The following UBE2E2 variants were observed in gnomAD, a reference collection of about 807,000 sequenced individuals.
The protein encoded by UBE2E2 is ubiquitin-conjugating enzyme E2 E2.
A neutral mutation model predicts 24.7 loss-of-function variants in UBE2E2; 6 were observed. That is an observed-to-expected ratio of 0.24 (90% CI 0.13 to 0.48). The LOEUF (loss-of-function observed/expected upper bound fraction) is 0.48. Among genes scored for constraint, UBE2E2 ranks in the 20% least tolerant of loss-of-function variants. The pLI, the probability that UBE2E2 is intolerant of heterozygous loss-of-function variation, is 0.99. For missense variants in UBE2E2, 169 were observed against 245.0 expected (o/e 0.69, Z 2.07); for synonymous variants, 104 against 83.6 (o/e 1.24, Z -1.33).
At chr3:23,564,170 T>C (rs1696006476) in intron 5 of UBE2E2, among the ~76,000 whole-genome samples, 1 of 152,122 alleles carries the variant, frequency 6.6e-6, no homozygotes, top group African/African-American at 2.4e-5. Flanking sequence ...ATGATGTAAA[T>C]GTGAGTGCAT....
At chr3:23,535,726 G>A (rs1033793718) in intron 5 of UBE2E2, among the ~76,000 whole-genome samples, 10 of 147,892 alleles carry the variant, frequency 6.8e-5, no homozygotes, top group Non-Finnish European at 7.4e-5. Context: ...GGGTTCAAGC[G>A]ATTCTCCTGC....
At chr3:23,501,222 G>A (rs1699713474) in intron 4 of UBE2E2, among the ~76,000 whole-genome samples, 1 of 152,188 alleles carries the variant, frequency 6.6e-6, no homozygotes, top group South Asian at 2.1e-4. Context: ...TAAATCTGAT[G>A]TGATCTGTTC....
intron 3 of UBE2E2, among the ~76,000 whole-genome samples, chr3:23,437,075 CT>C (rs894780074): frequency 5.3e-5 from 8 of 152,244 alleles, no homozygotes; most frequent in African/African-American, 1.9e-4. Flanking sequence ...GAGCTGGCCC[CT>C]GCCTGCTTCT....
chr3:23,348,095 G>A (rs6765758), intron 3 of UBE2E2, among the ~76,000 whole-genome samples: 125,066 of 152,094 alleles, frequency 0.82, 51,435 homozygotes, highest in Admixed American at 0.85. Flanking sequence ...ATCAATCATC[G>A]CAAGACGACA....
chr3:23,530,856 C>T (rs1394427936), intron 4 of UBE2E2, among the ~76,000 whole-genome samples: 1 of 152,156 alleles, frequency 6.6e-6, no homozygotes, highest in Admixed American at 6.6e-5. Flanking sequence ...CCATCTTTTA[C>T]TCCCTTCCCT....
intron 3 of UBE2E2, among the ~76,000 whole-genome samples, chr3:23,419,745 A>T (rs914809349): frequency 6.6e-6 from 1 of 152,264 alleles, no homozygotes. Context: ...GATATTAGGC[A>T]CTGAATAAAT....
intron 3 of UBE2E2, among the ~76,000 whole-genome samples, chr3:23,286,469 A>G (rs991273037): frequency 3.9e-5 from 6 of 151,900 alleles, no homozygotes; most frequent in Non-Finnish European, 8.8e-5. Context: ...TAGATGTACA[A>G]TTTGTTTCTG....
intron 5 of UBE2E2, among the ~76,000 whole-genome samples, chr3:23,565,082 C>T (rs1255122846): frequency 6.6e-6 from 1 of 152,184 alleles, no homozygotes; most frequent in Non-Finnish European, 1.5e-5. Flanking sequence ...TATACACACA[C>T]ACACAGACAC....
At chr3:23,545,213 C>T (rs6801946) in intron 5 of UBE2E2, among the ~76,000 whole-genome samples, 45,401 of 151,834 alleles carry the variant, frequency 0.3, 7,336 homozygotes, top group East Asian at 0.49. Flanking sequence ...AGACCCTTTA[C>T]GGGTGTCGGG....
chr3:23,242,393 GC>G (rs375069124), intron 3 of UBE2E2, among the ~76,000 whole-genome samples: 1 of 102,828 alleles, frequency 9.7e-6, no homozygotes, highest in Non-Finnish European at 1.8e-5. Context: ...CCCGCCCCCC[GC>G]CCCCCCAGTA....
intron 3 of UBE2E2, among the ~76,000 whole-genome samples, chr3:23,348,347 CAAAAAAAAAA>C (rs35038477): frequency 2.5e-5 from 3 of 121,954 alleles, no homozygotes; most frequent in African/African-American, 9.8e-5. Flanking sequence ...GTGCTGCTTT[CAAAAAAAAAA>C]AAAAAAAGAA....
intron 3 of UBE2E2, among the ~76,000 whole-genome samples, chr3:23,498,114 A>G (rs998973311): frequency 3.3e-5 from 5 of 152,006 alleles, no homozygotes; most frequent in South Asian, 2.1e-4. Flanking sequence ...GTCTTTTTTA[A>G]TAGAGTCTTT....
chr3:23,423,175 C>A (rs1559379394), intron 3 of UBE2E2, among the ~76,000 whole-genome samples: 1 of 152,170 alleles, frequency 6.6e-6, no homozygotes, highest in Non-Finnish European at 1.5e-5. Flanking sequence ...CTTTTAGAGT[C>A]TCTGAAGCTA....
intron 3 of UBE2E2, among the ~76,000 whole-genome samples, chr3:23,287,322 C>T (rs374683658): frequency 8.6e-5 from 13 of 151,890 alleles, no homozygotes; most frequent in South Asian, 2.1e-4. Flanking sequence ...GAATTTGGTT[C>T]GCTAGTATTT....
At chr3:23,328,600 C>G (rs917723584) in intron 3 of UBE2E2, among the ~76,000 whole-genome samples, 1 of 151,298 alleles carries the variant, frequency 6.6e-6, no homozygotes, top group Non-Finnish European at 1.5e-5. Flanking sequence ...GGATGTAACA[C>G]CATTGTAAGT....
intron 3 of UBE2E2, among the ~76,000 whole-genome samples, chr3:23,425,818 C>T (rs1018834766): frequency 6.6e-6 from 1 of 151,934 alleles, no homozygotes; most frequent in Admixed American, 6.5e-5. Context: ...GTTCCTTTTA[C>T]CCAATTCACC....
At chr3:23,449,059 G>A (rs1489123630) in intron 3 of UBE2E2, among the ~76,000 whole-genome samples, 1 of 152,116 alleles carries the variant, frequency 6.6e-6, no homozygotes, top group South Asian at 2.1e-4. Context: ...GTATACTATG[G>A]CATGCCATTG....
At chr3:23,277,916 C>T (rs1698406035) in intron 3 of UBE2E2, among the ~76,000 whole-genome samples, 1 of 152,096 alleles carries the variant, frequency 6.6e-6, no homozygotes, top group South Asian at 2.1e-4. Context: ...AAAACAGTCT[C>T]ACTTGCGTAA....
At chr3:23,545,895 G>A (rs1695512020) in intron 5 of UBE2E2, among the ~76,000 whole-genome samples, 1 of 152,180 alleles carries the variant, frequency 6.6e-6, no homozygotes, top group Non-Finnish European at 1.5e-5. Flanking sequence ...TATTCTAAGT[G>A]AAGTAACTCA....
Sources: gnomAD v4.1 joint callset for allele counts (sites outside exome capture counted in the v4.1 genomes callset) on GRCh38, gnomAD v4.1.1 for gene constraint, MANE v1.5 for transcripts, NCBI Gene and HGNC (gene_info 2026-07-23, HGNC 2026-07-21) for gene names.